ATG7: variants seen among roughly 807,000 people sequenced by gnomAD.
The protein encoded by ATG7 is autophagy related 7, also known as ubiquitin-like modifier-activating enzyme ATG7.
Under a neutral mutation model 82.4 loss-of-function variants are expected in ATG7, and 70 were observed. The ratio of observed to expected loss-of-function variants is 0.85; its 90% CI spans 0.70 to 1.04. ATG7 has a LOEUF of 1.04. Ranked by LOEUF, ATG7 falls within the 50% of genes least tolerant of loss-of-function variation. ATG7 has a pLI of 0.00. For synonymous variants in ATG7, 287 were observed against 313.0 expected, an observed-to-expected ratio of 0.92 and a Z score of 0.88; for missense variants, 792 against 864.3, an observed-to-expected ratio of 0.92 and a Z score of 1.05.
intron 20 of ATG7, among the ~76,000 whole-genome samples, chr3:11,536,616 G>GTGTGAGCGCAC (rs1478505472): frequency 3.3e-5 from 5 of 152,250 alleles, no homozygotes; most frequent in African/African-American, 1.2e-4. Context: ...GTAAACGTTT[G>GTGTGAGCGCAC]TGTGAGCGCA....
Position 11,320,058 on chromosome 3 carries a change from C to T in ATG7, c.678+4565C>T, listed in dbSNP as rs150492936. Among the ~76,000 whole-genome samples, 13 of 152,310 alleles carry T rather than the reference C, an allele frequency of 8.5e-5. No homozygotes were observed. The East Asian group carries it at 2.5e-3, about 29-fold the overall frequency. ...GCCTACAAGAGTCTGTGTGGCCTGGCCCCTGTGGGCATCCAGCCCCAAGTC... is the reference window on the plus strand; with the variant it reads ...GCCTACAAGAGTCTGTGTGGCCTGGTCCCTGTGGGCATCCAGCCCCAAGTC... On this transcript the variant is annotated intron_variant, in intron 9 of 20. Coordinates refer to ENST00000693202, the MANE Select transcript of ATG7 (RefSeq NM_001349232.2).
chr3:11,367,066 TAAGA>T (rs1224052927), intron 18 of ATG7, among the ~76,000 whole-genome samples: 1 of 151,722 alleles, frequency 6.6e-6, no homozygotes, highest in Non-Finnish European at 1.5e-5. Flanking sequence ...AGCTACTTTC[TAAGA>T]AAGAAAGTGG....
intron 15 of ATG7, 44 bp downstream of exon 15, chr3:11,358,656 C>T (rs1039790434): frequency 6.3e-7 from 1 of 1,581,188 alleles, no homozygotes. Flanking sequence ...AATGCACCAC[C>T]ACTCCAGAGG....
At chr3:11,405,525 C>T (rs1340786153) in intron 19 of ATG7, among the ~76,000 whole-genome samples, 1 of 152,190 alleles carries the variant, frequency 6.6e-6, no homozygotes, top group Non-Finnish European at 1.5e-5. Flanking sequence ...TTTTTGCTGA[C>T]ATTGCTATGT....
At chr3:11,328,357 A>G (rs7610091) in intron 9 of ATG7, among the ~76,000 whole-genome samples, 1 of 152,314 alleles carries the variant, frequency 6.6e-6, no homozygotes, top group Non-Finnish European at 1.5e-5. Flanking sequence ...CTCTGTTTTT[A>G]AAAGTGCCCT....
the ATG7 span, among the ~76,000 whole-genome samples, chr3:11,572,089 C>T: frequency 5.9e-5 from 9 of 152,118 alleles, no homozygotes; most frequent in Non-Finnish European, 1.2e-4. Context: ...GCCTGAGTGA[C>T]AGAGTGAGAC....
chr3:11,513,079 A>G (rs1409377536), intron 20 of ATG7, among the ~76,000 whole-genome samples: 2 of 152,100 alleles, frequency 1.3e-5, no homozygotes, highest in Non-Finnish European at 2.9e-5. Context: ...GTGTTTACAA[A>G]CCTTGAGCTA....
At chr3:11,285,207 T>C (rs1228945682) in intron 3 of ATG7, among the ~76,000 whole-genome samples, 1 of 146,922 alleles carries the variant, frequency 6.8e-6, no homozygotes, top group Non-Finnish European at 1.5e-5. Flanking sequence ...TGTGACAGAT[T>C]CTCACCCTGT....
chr3:11,564,754 A>G, the ATG7 span: 1 of 1,510,566 alleles, frequency 6.6e-7, no homozygotes, highest in African/African-American at 1.5e-5. Context: ...CCAGTCCCCC[A>G]GCCCCTGGAC....
At chr3:11,527,057 G>GTA (rs1457988716) in intron 20 of ATG7, among the ~76,000 whole-genome samples, 5 of 103,090 alleles carry the variant, frequency 4.9e-5, no homozygotes, top group Non-Finnish European at 9.8e-5. Context: ...GTGTGTGTGT[G>GTA]TGTGTGTGTG....
intron 20 of ATG7, among the ~76,000 whole-genome samples, chr3:11,496,891 G>A (rs1168671317): frequency 6.6e-6 from 1 of 151,728 alleles, no homozygotes; most frequent in Non-Finnish European, 1.5e-5. Context: ...ATGGAGTCTC[G>A]CTCTGTCACC....
chr3:11,401,195 C>A (rs892614718), intron 19 of ATG7, among the ~76,000 whole-genome samples: 2 of 152,196 alleles, frequency 1.3e-5, no homozygotes, highest in African/African-American at 4.8e-5. Context: ...TTTTAACAAG[C>A]CTTCCTGGGG....
intron 9 of ATG7, among the ~76,000 whole-genome samples, chr3:11,326,797 G>A (rs1016706232): frequency 2.0e-5 from 3 of 152,142 alleles, no homozygotes; most frequent in East Asian, 3.8e-4. Flanking sequence ...TTCTTAATTC[G>A]GTGGAAGCCC....
intron 20 of ATG7, among the ~76,000 whole-genome samples, chr3:11,509,621 G>A (rs2091940154): frequency 6.6e-6 from 1 of 152,102 alleles, no homozygotes; most frequent in Non-Finnish European, 1.5e-5. Flanking sequence ...AGGCACAGTT[G>A]TTTGGTGTGG....
rs77876296 is a variant in ATG7, at chr3:11,545,732, G to A, written c.2080-9079G>A. 7.2e-5 allele frequency among the ~76,000 whole-genome samples: 11 copies of A among 152,184 alleles called. No homozygotes were observed. The East Asian group carries it at 1.9e-3, about 27-fold the overall frequency. ...TCTCTCTGTTGTCAGCCCCCCTGGC[G>A]GTTCTTCCTTGGAATCATCTTCTGG... On this transcript the variant is annotated intron_variant, in intron 20 of 20. Coordinates refer to ENST00000693202, the MANE Select transcript of ATG7 (RefSeq NM_001349232.2).
intron 13 of ATG7, among the ~76,000 whole-genome samples, chr3:11,346,854 A>C (rs752643645): frequency 3.3e-5 from 5 of 152,254 alleles, no homozygotes; most frequent in African/African-American, 4.8e-5. Flanking sequence ...AGTCTAACCT[A>C]TGCTTATGAA....
chr3:11,433,524 A>G (rs918950021), intron 20 of ATG7, among the ~76,000 whole-genome samples: 2 of 152,124 alleles, frequency 1.3e-5, no homozygotes, highest in Admixed American at 6.6e-5. Flanking sequence ...ACTGAATGTA[A>G]CTAGAGATAA....
the ATG7 span, chr3:11,569,017 G>A: frequency 2.2e-6 from 2 of 907,998 alleles, no homozygotes; most frequent in African/African-American, 1.8e-5. Context: ...AGCTTTCTGA[G>A]TACTGAAAGC....
chr3:11,510,767 C>T (rs73139562), intron 20 of ATG7, among the ~76,000 whole-genome samples: 2,393 of 152,282 alleles, frequency 0.016, 66 homozygotes, highest in African/African-American at 0.055. Context: ...GTCAGACTTC[C>T]AGGCTTGGGG....
Sources: gnomAD v4.1 joint callset for allele counts (sites outside exome capture counted in the v4.1 genomes callset) on GRCh38, gnomAD v4.1.1 for gene constraint, MANE v1.5 for transcripts, NCBI Gene and HGNC (gene_info 2026-07-23, HGNC 2026-07-21) for gene names.